NUP155: variants seen among roughly 807,000 people sequenced by gnomAD.
NUP155 encodes nucleoporin 155, also known as nuclear pore complex protein Nup155.
NUP155 carries 71 observed loss-of-function variants against 180.4 expected under a neutral mutation model. The observed-to-expected ratio is 0.39, with a 90% CI of 0.33 to 0.48. The LOEUF (loss-of-function observed/expected upper bound fraction) is 0.48, where lower values mean the gene tolerates loss of function less well. Ranked by LOEUF, NUP155 falls within the 20% of genes least tolerant of loss-of-function variation. The pLI is 0.91. For synonymous variants in NUP155, 582 were observed against 559.5 expected (o/e 1.04, Z -0.57); for missense variants, 1,553 against 1,648.9 (o/e 0.94, Z 1.01).
At chr5:37,317,287 C>T (rs1252286806) in intron 21 of NUP155, among the ~76,000 whole-genome samples, 1 of 151,980 alleles carries the variant, frequency 6.6e-6, no homozygotes, top group Non-Finnish European at 1.5e-5. Flanking sequence ...GTTGGAAGTT[C>T]GAGACCAGCC....
intron 4 of NUP155, among the ~76,000 whole-genome samples, chr5:37,355,405 G>A (rs1746748320): frequency 6.6e-6 from 1 of 151,748 alleles, no homozygotes; most frequent in Non-Finnish European, 1.5e-5. Context: ...CTACTCAGGA[G>A]CCTGAGGCAG....
intron 9 of NUP155, among the ~76,000 whole-genome samples, chr5:37,345,279 G>A (rs1176510107): frequency 6.6e-6 from 1 of 151,664 alleles, no homozygotes; most frequent in African/African-American, 2.4e-5. Context: ...GCTGAGACAT[G>A]CGGATTGCTT....
chr5:37,348,841 C>G (rs537963232), intron 8 of NUP155, among the ~76,000 whole-genome samples: 1 of 151,928 alleles, frequency 6.6e-6, no homozygotes, highest in African/African-American at 2.4e-5. Context: ...CTGCAACCTC[C>G]GCCGCCCAGG....
intron 9 of NUP155, among the ~76,000 whole-genome samples, chr5:37,346,170 C>T (rs1746070005): frequency 6.6e-6 from 1 of 151,806 alleles, no homozygotes; most frequent in East Asian, 2.0e-4. Context: ...CATAGCTACT[C>T]AGGAAGCTTA....
In NUP155 at chr5:37,348,490, T is replaced by A. The variant is rs1254482516; in HGVS notation, c.995+15A>T. 4 of 1,508,992 alleles carry A rather than the reference T, an allele frequency of 2.7e-6. No individual in the cohort carries two copies. The East Asian group carries it at 6.8e-5, about 26-fold the overall frequency. 93.5% of individuals were successfully genotyped at this position (1,508,992 alleles called of 1,614,324 possible). On this transcript the variant is annotated intron_variant, in intron 9 of 34. Coordinates refer to ENST00000231498, the MANE Select transcript of NUP155 (RefSeq NM_153485.3). ...TGCCTGCAAATGAAATGCTTAATAA[T>A]AAATTACATGTTACCTAGCAATGTT...
In NUP155 at chr5:37,364,281, A is replaced by G; in HGVS notation, c.261T>C (p.Val87=). 6.2e-7 allele frequency: 1 copy of G among 1,613,080 alleles called. No homozygotes were observed. The highest frequency in any genetic ancestry group is 8.5e-7 in the Non-Finnish European group (1 of 1,179,066). The change falls in exon 2 of 35, where the codon GTT becomes GTC. Residue 87 remains valine, a synonymous_variant. Transcript: ENST00000231498. ...NLPEISSIRR[V]PLPPELVEQF... is the part of the protein sequence containing the mutation. ...GCTCAACAAGTTCAGGTGGGAGAGG[A>G]ACTCTTCGGATGGAACTGATCTCTG...
At chr5:37,306,785 A>T (rs1743181053) in intron 25 of NUP155, among the ~76,000 whole-genome samples, 1 of 152,114 alleles carries the variant, frequency 6.6e-6, no homozygotes. Flanking sequence ...TTAAGGACAC[A>T]CATTTCCTTT....
At chr5:37,358,814 T>G (rs1019704164) in intron 3 of NUP155, among the ~76,000 whole-genome samples, 1 of 151,850 alleles carries the variant, frequency 6.6e-6, no homozygotes, top group Admixed American at 6.6e-5. Context: ...GTCAGGAGAT[T>G]GAGGCCATCC....
intron 5 of NUP155, among the ~76,000 whole-genome samples, chr5:37,351,945 G>A (rs217773): frequency 0.029 from 4,378 of 152,074 alleles, 223 homozygotes; most frequent in African/African-American, 0.099. Context: ...TAACCCGGCC[G>A]GGTGCCGTGG....
chr5:37,333,856 T>G (rs1018479122), intron 12 of NUP155, among the ~76,000 whole-genome samples: 2 of 151,678 alleles, frequency 1.3e-5, no homozygotes, highest in Admixed American at 1.3e-4. Context: ...GGCTGGAGTG[T>G]AGTGGAGTGA....
intron 3 of NUP155, among the ~76,000 whole-genome samples, chr5:37,363,282 A>G (rs1395753637): frequency 1.3e-5 from 2 of 152,174 alleles, no homozygotes; most frequent in Non-Finnish European, 2.9e-5. Context: ...CAAGAGTAAC[A>G]TCTTAATTAT....
At position 37,292,016 on chromosome 5, in the gene NUP155, G is replaced by A. The variant is rs35260031; in HGVS notation, c.4060C>T (p.Leu1354=). ...CERRRFTNLC[L]DAVCGYLVEL... The stretch of plus-strand genomic sequence containing the variant: ...ACAAGGTAACCACAAACAGCATCCA[G>A]GCAGAGATTTGTAAATCTTCTCCTA... The change falls in exon 35 of 35, where the codon CTG becomes TTG. Residue 1354 remains leucine (L), a synonymous_variant. Coordinates refer to ENST00000231498, the MANE Select transcript of NUP155 (RefSeq NM_153485.3). 1.4e-5 allele frequency: 23 copies of A among 1,614,054 alleles called. No homozygotes were observed. In the East Asian group the frequency reaches 4.5e-4, roughly 31 times the overall value.
At chr5:37,363,753 T>C in intron 3 of NUP155, 135 bp downstream of exon 3, 1 of 685,774 alleles carries the variant, frequency 1.5e-6, no homozygotes, top group Non-Finnish European at 2.7e-6. Flanking sequence ...TCCAGATGAC[T>C]GATACTGAGA....
intron 1 of NUP155, among the ~76,000 whole-genome samples, chr5:37,364,994 T>C (rs1345716392): frequency 6.6e-6 from 1 of 151,878 alleles, no homozygotes; most frequent in Admixed American, 6.6e-5. Context: ...CTGGGCGCAG[T>C]GGCTCAAGCC....
At chr5:37,333,668 T>C (rs761153287) in intron 12 of NUP155, 35 bp from the exon 13 acceptor site, 5 of 1,551,906 alleles carry the variant, frequency 3.2e-6, no homozygotes, top group East Asian at 2.3e-5. Flanking sequence ...ATACATCATA[T>C]TGAAGTTACA....
chr5:37,312,484 G>A (rs1431540047), intron 22 of NUP155, among the ~76,000 whole-genome samples: 2 of 152,104 alleles, frequency 1.3e-5, no homozygotes, highest in Non-Finnish European at 2.9e-5. Context: ...GACTGCTTTA[G>A]ACTGAAACAG....
At chr5:37,357,979 C>G (rs778846803) in intron 4 of NUP155, 102 bp downstream of exon 4, 1 of 813,654 alleles carries the variant, frequency 1.2e-6, no homozygotes, top group Non-Finnish European at 2.1e-6. Context: ...CTCGATGGAA[C>G]GAGACTCCAT....
intron 22 of NUP155, 126 bp downstream of exon 22, chr5:37,314,072 A>G (rs1324371839): frequency 4.1e-6 from 3 of 728,618 alleles, no homozygotes; most frequent in Middle Eastern, 3.8e-4. Context: ...CCATCTTCCC[A>G]TAACATACTA....
intron 9 of NUP155, among the ~76,000 whole-genome samples, chr5:37,345,380 C>T (rs367774429): frequency 1.8e-4 from 28 of 151,396 alleles, no homozygotes; most frequent in African/African-American, 5.1e-4. Context: ...TGGTGGCGCA[C>T]GTCTGTGGTC....
Sources: allele counts gnomAD v4.1 joint callset (sites outside exome capture counted in the v4.1 genomes callset), GRCh38; gene constraint gnomAD v4.1.1; transcripts MANE v1.5; gene names NCBI Gene and HGNC (gene_info 2026-07-23, HGNC 2026-07-21).